RAI1: variants seen among roughly 807,000 people sequenced by gnomAD.
RAI1 encodes the protein retinoic acid-induced protein 1.
Under a neutral mutation model 123.8 loss-of-function variants are expected in RAI1, and 9 were observed. That is an observed-to-expected ratio of 0.07 (90% CI 0.04 to 0.13). The LOEUF (loss-of-function observed/expected upper bound fraction) is 0.13, where lower values mean the gene tolerates loss of function less well. Among genes scored for constraint, RAI1 ranks in the 10% least tolerant of loss-of-function variants. RAI1 has a pLI of 1.00. For missense variants in RAI1, 2,256 were observed against 2,545.8 expected (o/e 0.89, Z 2.45); for synonymous variants, 1,231 against 1,127.3 (o/e 1.09, Z -1.84).
At chr17:17,682,306 G>A (rs1914455198) in intron 1 of RAI1, among the ~76,000 whole-genome samples, 1 of 151,504 alleles carries the variant, frequency 6.6e-6, no homozygotes, top group African/African-American at 2.4e-5. Context: ...GCCGTGCGTG[G>A]CGAGATGGGT....
rs1672389727 is a variant in RAI1, at chr17:17,800,654, T to A, written c.5565+2141T>A. Among the ~76,000 whole-genome samples the A allele has an allele frequency of 6.6e-6, 1 of 152,238 alleles. No individual in the cohort carries two copies. The highest frequency in any genetic ancestry group is 2.1e-4 in the South Asian group (1 of 4,838). On this transcript the variant is annotated intron_variant, in intron 3 of 5. Coordinates refer to ENST00000353383, the MANE Select transcript of RAI1 (RefSeq NM_030665.4). This position sits in a 1 kb window ranked among gnomAD's most constrained non-coding sequence, Gnocchi z 4.7. ...AACTTGCCAGCCCAGCCCATGCCTG[T>A]CTGCTGTGCCATGCTCCAGAAATGG... is the stretch of plus-strand genomic sequence containing the variant.
At position 17,793,418 on chromosome 17, in the gene RAI1, A is replaced by T. The variant is rs778380603; in HGVS notation, c.470A>T (p.Tyr157Phe). 9 of 1,613,410 alleles carry T rather than the reference A, an allele frequency of 5.6e-6. No individual in the cohort carries two copies. Among genetic ancestry groups the T allele is most frequent in the South Asian group, 1.1e-5 (1 of 91,052 alleles). Residue 157 changes from tyrosine (Y) to phenylalanine (F), a missense_variant, in exon 3 of 6, where the codon TAT (tyrosine) becomes TTT (phenylalanine). By Grantham distance (22) the Tyr-to-Phe change is conservative (BLOSUM62 3). Around this residue, in one of 7 missense-constraint regions of RAI1, gnomAD observed 336 missense variants for 349.8 expected, o/e 0.96. Transcript: ENST00000353383. ...ACAGCAGTGCCCCCCAGCAGGCAGT[A>T]TGCAGAGCAGGGCGCCCAGGTGCCC... is the stretch of plus-strand genomic sequence containing the variant. ...KKTAVPPSRQ[Y>F]AEQGAQVPFR...
chr17:17,805,783 G>C (rs2032583166), intron 4 of RAI1, among the ~76,000 whole-genome samples: 1 of 152,202 alleles, frequency 6.6e-6, no homozygotes, highest in Admixed American at 6.5e-5. Flanking sequence ...GTGAGCCAGA[G>C]TTTAACATGG....
intron 4 of RAI1, among the ~76,000 whole-genome samples, chr17:17,805,593 G>A (rs2032580110): frequency 6.6e-6 from 1 of 152,194 alleles, no homozygotes; most frequent in African/African-American, 2.4e-5. Flanking sequence ...TACCCCACCT[G>A]CCTGGTGGGT....
intron 2 of RAI1, among the ~76,000 whole-genome samples, chr17:17,774,769 C>T (rs1185788617): frequency 6.6e-6 from 1 of 152,270 alleles, no homozygotes; most frequent in Non-Finnish European, 1.5e-5. Flanking sequence ...GTTGCGCCCT[C>T]CTCTGCCCAG....
chr17:17,743,517 C>T (rs917933992), intron 2 of RAI1, among the ~76,000 whole-genome samples: 3 of 152,242 alleles, frequency 2.0e-5, no homozygotes, highest in Non-Finnish European at 4.4e-5. Flanking sequence ...TGCCCCTGCC[C>T]GCAGCAGCCC....
At position 17,796,134 on chromosome 17, in the gene RAI1, C is replaced by T. The variant is rs1231507744; in HGVS notation, c.3186C>T (p.Ala1062=). Residue 1062 remains alanine (A), a synonymous_variant, in exon 3 of 6, where the codon GCC becomes GCT. Coordinates refer to ENST00000353383, the MANE Select transcript of RAI1 (RefSeq NM_030665.4). The surrounding 1 kb of genome is among the most constrained non-coding windows in gnomAD (Gnocchi z 5.8). The part of the protein sequence containing the change: ...LPRMCTRSLT[A]LSEPRTPGPP... ...GGATGTGTACTCGTTCTCTCACGGC[C>T]CTGAGTGAGCCCCGCACGCCCGGAC... The T allele has an allele frequency of 1.3e-6, 2 of 1,578,494 alleles. No individual in the cohort carries two copies. Among genetic ancestry groups the T allele is most frequent in the Admixed American group, 1.8e-5 (1 of 55,522 alleles).
At chr17:17,682,252 C>G (rs963488278) in intron 1 of RAI1, among the ~76,000 whole-genome samples, 1 of 151,938 alleles carries the variant, frequency 6.6e-6, no homozygotes, top group Non-Finnish European at 1.5e-5. Flanking sequence ...CATGCGTGAC[C>G]CGGGCCCGGC....
chr17:17,694,681 C>CA (rs1914952863), intron 1 of RAI1, among the ~76,000 whole-genome samples: 1 of 151,462 alleles, frequency 6.6e-6, no homozygotes. Context: ...GGTGGCGTCC[C>CA]ACAGGCCGCG....
At chr17:17,790,630 AAAAT>A (rs961081477) in intron 2 of RAI1, among the ~76,000 whole-genome samples, 3 of 152,224 alleles carry the variant, frequency 2.0e-5, no homozygotes, top group South Asian at 2.1e-4. Flanking sequence ...AAAAAAATAA[AAAAT>A]AAAGCCGTAG....
At position 17,810,402 on chromosome 17, in the gene RAI1, G is replaced by A. The variant is rs2032716245; in HGVS notation, c.*421G>A. 4.2e-6 allele frequency: 1 copy of A among 238,754 alleles called. No individual in the cohort carries two copies. The highest frequency in any genetic ancestry group is 5.5e-5 in the Admixed American group (1 of 18,224). 14.8% of individuals were successfully genotyped at this position (238,754 alleles called of 1,614,324 possible). A position where few individuals can be genotyped will look rare whatever the true frequency, so the allele number is the denominator to read the frequency against. On this transcript the variant is annotated 3_prime_UTR_variant, in exon 6 of 6. Transcript: ENST00000353383. The surrounding 1 kb of genome is among the most constrained non-coding windows in gnomAD (Gnocchi z 4.6). ...GTGGGTGCTGCCGCCACCCCAGTCG[G>A]TCGTGGCGTGCAGCTGGGAGCCCTG...
chr17:17,724,983 C>T (rs1916032501), intron 2 of RAI1, among the ~76,000 whole-genome samples: 2 of 91,806 alleles, frequency 2.2e-5, no homozygotes, highest in African/African-American at 9.1e-5. Flanking sequence ...ACAATGAAAT[C>T]TCGCACCTCT....
At chr17:17,790,525 G>A (rs991312176) in intron 2 of RAI1, among the ~76,000 whole-genome samples, 3 of 152,046 alleles carry the variant, frequency 2.0e-5, no homozygotes, top group Admixed American at 6.6e-5. Flanking sequence ...GAATGCAGAC[G>A]GACAGGCAGG....
intron 1 of RAI1, among the ~76,000 whole-genome samples, chr17:17,705,580 G>T (rs899891974): frequency 7.3e-6 from 1 of 136,530 alleles, no homozygotes; most frequent in African/African-American, 2.6e-5. Flanking sequence ...ACAAAAACGA[G>T]CCAGGTGTGG....
intron 1 of RAI1, among the ~76,000 whole-genome samples, chr17:17,703,480 A>G (rs1192524886): frequency 4.6e-5 from 7 of 152,126 alleles, no homozygotes; most frequent in African/African-American, 1.4e-4. Flanking sequence ...GAGTTCTCCC[A>G]TAACCTTTTT....
At chr17:17,758,190 C>T (rs944633910) in intron 2 of RAI1, among the ~76,000 whole-genome samples, 37 of 152,358 alleles carry the variant, frequency 2.4e-4, no homozygotes, top group African/African-American at 4.3e-4. Flanking sequence ...CTCCAGCGGC[C>T]GCATCCCAGC....
At chr17:17,792,862 C>A in intron 2 of RAI1, 71 bp from the exon 3 acceptor site, 1 of 1,175,558 alleles carries the variant, frequency 8.5e-7, no homozygotes, top group Non-Finnish European at 1.2e-6. Context: ...ATCGCTCATC[C>A]TCTGCCCCCT....
intron 2 of RAI1, among the ~76,000 whole-genome samples, chr17:17,790,460 A>G (rs902793400): frequency 1.3e-5 from 2 of 152,286 alleles, no homozygotes; most frequent in African/African-American, 4.8e-5. Flanking sequence ...TGCCTGTAAT[A>G]CAGCTCGGCT....
At chr17:17,682,216 G>A (rs1394944055) in intron 1 of RAI1, among the ~76,000 whole-genome samples, 1 of 152,092 alleles carries the variant, frequency 6.6e-6, no homozygotes, top group Non-Finnish European at 1.5e-5. Context: ...GTGCGTCCGA[G>A]GTGGGGGACG....
Sources: allele counts gnomAD v4.1 joint callset (sites outside exome capture counted in the v4.1 genomes callset), GRCh38; gene constraint gnomAD v4.1.1; regional missense constraint gnomAD v4.1.1; non-coding constraint Gnocchi (gnomAD v3.1); transcripts MANE v1.5; gene names NCBI Gene and HGNC (gene_info 2026-07-23, HGNC 2026-07-21).